The following SIPA1L3 variants were observed in gnomAD, a reference collection of about 807,000 sequenced individuals.
SIPA1L3 encodes signal induced proliferation associated 1 like 3.
Under a neutral mutation model 150.1 loss-of-function variants are expected in SIPA1L3, and 59 were observed. The observed-to-expected ratio is 0.39, with a 90% CI of 0.32 to 0.49. The LOEUF is 0.49. Ranked by LOEUF, SIPA1L3 falls within the 20% of genes least tolerant of loss-of-function variation. The pLI is 0.86. For synonymous variants in SIPA1L3, 1,070 were observed against 1,077.6 expected, an observed-to-expected ratio of 0.99 and a Z score of 0.14; for missense variants, 2,211 against 2,489.5, an observed-to-expected ratio of 0.89 and a Z score of 2.38.
chr19:38,170,451 G>T (rs1029234442), intron 15 of SIPA1L3, among the ~76,000 whole-genome samples: 21 of 152,200 alleles, frequency 1.4e-4, no homozygotes, highest in Non-Finnish European at 2.6e-4. Context: ...GTGACAGCCT[G>T]CTCCCCAGCC....
chr19:38,083,178 C>A, intron 3 of SIPA1L3, 79 bp downstream of exon 3: 1 of 1,341,368 alleles, frequency 7.5e-7, no homozygotes, highest in South Asian at 1.3e-5. Context: ...TTCATTCACT[C>A]TGTGCCAGGC....
At chr19:38,120,966 C>G (rs1971003336) in intron 9 of SIPA1L3, among the ~76,000 whole-genome samples, 1 of 152,206 alleles carries the variant, frequency 6.6e-6, no homozygotes, top group Non-Finnish European at 1.5e-5. Context: ...CCAGCACTGC[C>G]ACTTACCAGC....
chr19:38,206,407 T>C lies in SIPA1L3; in HGVS notation c.*167T>C. On this transcript the variant is annotated 3_prime_UTR_variant, in exon 22 of 22. Coordinates refer to ENST00000222345, the MANE Select transcript of SIPA1L3 (RefSeq NM_015073.3). ...GCCTCACTAGGGCTGTGAGTCAGGG[T>C]CAGCGCGCACAGCCCTCATGCCCCA... 1 of 807,084 alleles carries C rather than the reference T, an allele frequency of 1.2e-6. No homozygotes were observed. The highest frequency in any genetic ancestry group is 1.9e-6 in the Non-Finnish European group (1 of 528,824). 50.0% of individuals were successfully genotyped at this position (807,084 alleles called of 1,614,324 possible). A position where few individuals can be genotyped will look rare whatever the true frequency, so the allele number is the denominator to read the frequency against.
At chr19:38,127,311 T>G (rs1442342567) in intron 9 of SIPA1L3, among the ~76,000 whole-genome samples, 3 of 152,204 alleles carry the variant, frequency 2.0e-5, no homozygotes, top group African/African-American at 7.2e-5. Flanking sequence ...CTAGACATCT[T>G]ATCATTTCAT....
At chr19:38,076,014 G>A (rs1160302627) in intron 2 of SIPA1L3, among the ~76,000 whole-genome samples, 3 of 151,720 alleles carry the variant, frequency 2.0e-5, no homozygotes, top group South Asian at 2.1e-4. Flanking sequence ...GGTGGCGGGC[G>A]CGTGTAGTCT....
intron 1 of SIPA1L3, among the ~76,000 whole-genome samples, chr19:38,018,901 T>C (rs1968301909): frequency 6.6e-6 from 1 of 152,190 alleles, no homozygotes; most frequent in Non-Finnish European, 1.5e-5. Flanking sequence ...GTGCCCATTA[T>C]TGAATGAATG....
Position 38,112,953 on chromosome 19 carries a change from A to T in SIPA1L3, c.2291+2569A>T, listed in dbSNP as rs1163797401. Among the ~76,000 whole-genome samples the T allele has an allele frequency of 1.3e-5, 2 of 152,282 alleles. 1 individual carries two copies. The highest frequency in any genetic ancestry group is 3.9e-4 in the East Asian group (2 of 5,186). ...CGAGGTGCAGTGGCTCACGCTTGTA[A>T]TCCCAGCACTTTGGGAGGCTGAGGT... On this transcript the variant is annotated intron_variant, in intron 8 of 21. Transcript: ENST00000222345.
rs117308547 is a variant in SIPA1L3, at chr19:37,997,200, A to C, written c.-378-31889A>C. ...GTTTCCTTGTCTGAAAAGTGGGACT[A>C]ATACAATCTTCCCTGCCTCATACAT... On this transcript the variant is annotated intron_variant, in intron 1 of 21. Coordinates refer to ENST00000222345, the MANE Select transcript of SIPA1L3 (RefSeq NM_015073.3). Among the ~76,000 whole-genome samples the C allele has an allele frequency of 1.3e-3, 198 of 152,300 alleles. 4 individuals are homozygous for C. In the East Asian group the frequency reaches 0.034, roughly 26 times the overall value.
intron 10 of SIPA1L3, among the ~76,000 whole-genome samples, chr19:38,132,940 G>T (rs1363389099): frequency 6.6e-6 from 1 of 152,130 alleles, no homozygotes; most frequent in South Asian, 2.1e-4. Flanking sequence ...GAGCCACCGC[G>T]CCTGGCCTTT....
chr19:38,185,843 G>A (rs1000941659), intron 16 of SIPA1L3: 1 of 152,162 alleles, frequency 6.6e-6, no homozygotes, highest in Non-Finnish European at 1.5e-5. Flanking sequence ...GTCTCCAAAT[G>A]AGGTCACATT....
intron 1 of SIPA1L3, among the ~76,000 whole-genome samples, chr19:37,971,385 C>T (rs1258165376): frequency 1.3e-5 from 2 of 152,112 alleles, no homozygotes; most frequent in East Asian, 3.9e-4. Flanking sequence ...CAAAAAGAAA[C>T]CCTGAACCCA....
chr19:37,980,723 T>C (rs1381128507), intron 1 of SIPA1L3, among the ~76,000 whole-genome samples: 1 of 152,200 alleles, frequency 6.6e-6, no homozygotes, highest in African/African-American at 2.4e-5. Context: ...CTGCTCTGTT[T>C]CCTTCCATGC....
chr19:38,143,834 T>C (rs4802251), intron 12 of SIPA1L3, among the ~76,000 whole-genome samples: 99,981 of 151,916 alleles, frequency 0.66, 34,378 homozygotes, highest in African/African-American at 0.86. Flanking sequence ...CCCGTGCACC[T>C]GGCCAGATCT....
chr19:37,929,858 T>C (rs1185286875), intron 1 of SIPA1L3, among the ~76,000 whole-genome samples: 1 of 152,050 alleles, frequency 6.6e-6, no homozygotes, highest in Non-Finnish European at 1.5e-5. Context: ...TATGTATGTA[T>C]GTATGTGTTT....
At chr19:38,130,198 C>G (rs988327410) in intron 9 of SIPA1L3, among the ~76,000 whole-genome samples, 2 of 152,232 alleles carry the variant, frequency 1.3e-5, no homozygotes, top group Non-Finnish European at 2.9e-5. Flanking sequence ...GAAGTGCAAT[C>G]CCACTGACCC....
chr19:37,950,713 C>T (rs937941740), intron 1 of SIPA1L3, among the ~76,000 whole-genome samples: 14 of 152,224 alleles, frequency 9.2e-5, no homozygotes, highest in Non-Finnish European at 2.9e-5. Flanking sequence ...CCGTCTGCTG[C>T]TCCCTCCGCT....
intron 1 of SIPA1L3, among the ~76,000 whole-genome samples, chr19:38,013,517 G>A (rs922933635): frequency 6.6e-6 from 1 of 152,200 alleles, no homozygotes; most frequent in Non-Finnish European, 1.5e-5. Context: ...GTCCCCTCCT[G>A]TGAGGACACC....
chr19:38,021,842 C>T (rs1968379596), intron 1 of SIPA1L3, among the ~76,000 whole-genome samples: 1 of 152,062 alleles, frequency 6.6e-6, no homozygotes, highest in South Asian at 2.1e-4. Flanking sequence ...CACTGCACCC[C>T]GCGTATGAAT....
At chr19:38,037,196 C>T (rs76678017) in intron 2 of SIPA1L3, among the ~76,000 whole-genome samples, 1,523 of 152,278 alleles carry the variant, frequency 0.01, 23 homozygotes, top group African/African-American at 0.034. Flanking sequence ...TATGTCTGCA[C>T]TAAGTGCTCT....
Sources: gnomAD v4.1 joint callset for allele counts (sites outside exome capture counted in the v4.1 genomes callset) on GRCh38, gnomAD v4.1.1 for gene constraint, MANE v1.5 for transcripts, NCBI Gene and HGNC (gene_info 2026-07-23, HGNC 2026-07-21) for gene names.